The following RALY variants were observed in gnomAD, a reference collection of about 807,000 sequenced individuals.
The protein encoded by RALY is RALY heterogeneous nuclear ribonucleoprotein.
Under a neutral mutation model 30.7 loss-of-function variants are expected in RALY, and 15 were observed. The ratio of observed to expected loss-of-function variants is 0.49; its 90% CI spans 0.33 to 0.75. The LOEUF is 0.75. Among genes scored for constraint, RALY ranks in the 30% least tolerant of loss-of-function variants. The pLI, the probability that RALY is intolerant of heterozygous loss-of-function variation, is 0.02. For synonymous variants in RALY, 177 were observed against 170.8 expected (o/e 1.04, Z -0.28); for missense variants, 339 against 414.3 (o/e 0.82, Z 1.58).
intron 2 of RALY, among the ~76,000 whole-genome samples, chr20:34,045,658 A>G (rs1346782515): frequency 1.3e-5 from 2 of 152,142 alleles, no homozygotes; most frequent in Non-Finnish European, 2.9e-5. Context: ...GGCCAATATT[A>G]ACTTGAATCC....
At chr20:34,076,977 G>T in intron 7 of RALY, 51 bp from the exon 8 acceptor site, 1 of 1,609,214 alleles carries the variant, frequency 6.2e-7, no homozygotes, top group African/African-American at 1.3e-5. Context: ...GCCCTAGACA[G>T]CTACCCCAGG....
At chr20:34,061,835 G>A (rs924512325) in intron 2 of RALY, among the ~76,000 whole-genome samples, 1 of 152,162 alleles carries the variant, frequency 6.6e-6, no homozygotes, top group African/African-American at 2.4e-5. Flanking sequence ...AATTTGAATG[G>A]GAGTTATGTG....
chr20:34,060,690 A>G (rs1356583964), intron 2 of RALY, among the ~76,000 whole-genome samples: 1 of 152,202 alleles, frequency 6.6e-6, no homozygotes, highest in Non-Finnish European at 1.5e-5. Flanking sequence ...ACACAGGAGT[A>G]AGGATTCAGG....
At chr20:34,077,340 A>T in intron 8 of RALY, 95 bp downstream of exon 8, 1 of 1,565,494 alleles carries the variant, frequency 6.4e-7, no homozygotes, top group Non-Finnish European at 8.7e-7. Context: ...GGTTGCCCCC[A>T]CTGTGAACTT....
intron 3 of RALY, among the ~76,000 whole-genome samples, chr20:34,072,904 A>G (rs1050294115): frequency 1.3e-5 from 2 of 151,326 alleles, no homozygotes; most frequent in African/African-American, 4.9e-5. Context: ...AGATATGTGG[A>G]CACAACCCTT....
At chr20:34,055,030 TG>T (rs535792529) in intron 2 of RALY, among the ~76,000 whole-genome samples, 44 of 152,174 alleles carry the variant, frequency 2.9e-4, no homozygotes, top group Non-Finnish European at 4.9e-4. Flanking sequence ...AACAGCCTTA[TG>T]GAGAAAGTAC....
chr20:33,997,944 T>A (rs2122959741), intron 1 of RALY, among the ~76,000 whole-genome samples: 1 of 152,344 alleles, frequency 6.6e-6, no homozygotes, highest in South Asian at 2.1e-4. Flanking sequence ...ATATTAAAGT[T>A]CAAACAAATA....
chr20:34,041,501 C>T (rs988256798), intron 2 of RALY, among the ~76,000 whole-genome samples: 1 of 152,220 alleles, frequency 6.6e-6, no homozygotes, highest in Non-Finnish European at 1.5e-5. Context: ...TTCTCTCTGG[C>T]GTTGGGCGTA....
intron 1 of RALY, among the ~76,000 whole-genome samples, chr20:34,014,734 T>TTCTTAGAAATACATTTAGTA (rs2031541488): frequency 1.3e-5 from 2 of 152,210 alleles, no homozygotes; most frequent in Non-Finnish European, 2.9e-5. Flanking sequence ...TGAGAAGGGT[T>TTCTTAGAAATACATTTAGTA]TCTTAGAAAT....
intron 1 of RALY, among the ~76,000 whole-genome samples, chr20:34,021,448 T>TGA (rs963634336): frequency 2.0e-5 from 3 of 152,050 alleles, no homozygotes; most frequent in African/African-American, 7.2e-5. Context: ...CATCACATGG[T>TGA]GAGAGAGAGT....
chr20:34,030,167 A>C (rs965930179), intron 1 of RALY, among the ~76,000 whole-genome samples: 1 of 152,160 alleles, frequency 6.6e-6, no homozygotes, highest in African/African-American at 2.4e-5. Context: ...GTTTTTGAGA[A>C]TTGTTATATA....
At chr20:34,067,354 C>T (rs909369690) in intron 2 of RALY, among the ~76,000 whole-genome samples, 3 of 151,536 alleles carry the variant, frequency 2.0e-5, no homozygotes, top group East Asian at 3.9e-4. Flanking sequence ...AAAGTAGAGA[C>T]GGGGTTTCAC....
At chr20:34,008,228 A>G (rs1684438595) in intron 1 of RALY, among the ~76,000 whole-genome samples, 1 of 151,202 alleles carries the variant, frequency 6.6e-6, no homozygotes. Context: ...AAGGGCAGCT[A>G]CTCTTTTTTT....
rs1227447390 is a variant in RALY at position 34,081,668 on chromosome 20, C to T, written c.*1763C>T. On this transcript the variant is annotated 3_prime_UTR_variant, in exon 10 of 10. Transcript: ENST00000246194. Reference sequence around the variant, plus strand: ...GCTTTGGGCAGTGCTCAAACTCCACCGGGAAGTCTCTCTCACTGAGCAGCC... The same window carrying T: ...GCTTTGGGCAGTGCTCAAACTCCACTGGGAAGTCTCTCTCACTGAGCAGCC... 1.3e-5 allele frequency: 2 copies of T among 152,356 alleles called. No homozygotes were observed. The highest frequency in any genetic ancestry group is 1.9e-4 in the East Asian group (1 of 5,182). The allele number at this position is 152,356 out of a possible 1,614,324, so 9.4% of individuals were successfully genotyped here. A position where few individuals can be genotyped will look rare whatever the true frequency, so the allele number is the denominator to read the frequency against.
chr20:34,053,384 T>TA, intron 2 of RALY, among the ~76,000 whole-genome samples: 2 of 29,078 alleles, frequency 6.9e-5, no homozygotes, highest in Non-Finnish European at 1.4e-4. Context: ...TGTTCAATAA[T>TA]TTTTTTTTTT....
At chr20:34,015,617 G>A (rs1179886507) in intron 1 of RALY, among the ~76,000 whole-genome samples, 3 of 152,094 alleles carry the variant, frequency 2.0e-5, no homozygotes, top group South Asian at 2.1e-4. Context: ...ACAGTGCTGG[G>A]GGTGTCATTA....
intron 2 of RALY, chr20:34,049,035 C>T (rs1350687185): frequency 5.9e-5 from 9 of 152,040 alleles, no homozygotes; most frequent in Admixed American, 5.9e-4. Flanking sequence ...AGAAAGGCCT[C>T]CAAGTCTGAG....
At chr20:34,065,570 A>T (rs955398648) in intron 2 of RALY, among the ~76,000 whole-genome samples, 1 of 152,244 alleles carries the variant, frequency 6.6e-6, no homozygotes, top group African/African-American at 2.4e-5. Flanking sequence ...GGCACTGCTA[A>T]TGAACCAGGG....
chr20:34,061,949 C>T (rs2033429668), intron 2 of RALY, among the ~76,000 whole-genome samples: 1 of 152,178 alleles, frequency 6.6e-6, no homozygotes, highest in Non-Finnish European at 1.5e-5. Flanking sequence ...CTATCACTGA[C>T]CCTAACTTAC....
Sources: gnomAD v4.1 joint callset for allele counts (sites outside exome capture counted in the v4.1 genomes callset) on GRCh38, gnomAD v4.1.1 for gene constraint, MANE v1.5 for transcripts, NCBI Gene and HGNC (gene_info 2026-07-23, HGNC 2026-07-21) for gene names.